PTK2: variants seen among roughly 807,000 people sequenced by gnomAD.
The protein encoded by PTK2 is protein tyrosine kinase 2.
A neutral mutation model predicts 150.1 loss-of-function variants in PTK2; 45 were observed. That is an observed-to-expected ratio of 0.30 (90% confidence interval 0.24 to 0.38). The LOEUF is 0.38. PTK2 is among the 10% of genes least tolerant of loss of function. The probability of loss-of-function intolerance (pLI) is 1.00; values close to 1 mark genes in which losing one functional copy is unlikely to be tolerated. For synonymous variants in PTK2, 432 were observed against 449.2 expected (o/e 0.96, Z 0.48); for missense variants, 919 against 1,307.3 (o/e 0.70, Z 4.58).
At chr8:140,804,958 C>T (rs931928150) in intron 10 of PTK2, among the ~76,000 whole-genome samples, 2 of 152,212 alleles carry the variant, frequency 1.3e-5, no homozygotes, top group Non-Finnish European at 2.9e-5. Flanking sequence ...CCTCACTGGT[C>T]TCTCTTTCCC....
At chr8:140,966,204 T>TA (rs1291830399) in intron 1 of PTK2, among the ~76,000 whole-genome samples, 2 of 152,194 alleles carry the variant, frequency 1.3e-5, no homozygotes, top group Non-Finnish European at 2.9e-5. Flanking sequence ...TACCCAACAG[T>TA]ATGCACCATT....
chr8:140,774,081 C>T (rs1215407751), intron 14 of PTK2, among the ~76,000 whole-genome samples: 1 of 152,198 alleles, frequency 6.6e-6, no homozygotes, highest in East Asian at 1.9e-4. Context: ...GCAATCCTAC[C>T]TATTCCCTTT....
At chr8:140,993,025 T>C (rs1221927414) in intron 1 of PTK2, among the ~76,000 whole-genome samples, 1 of 152,230 alleles carries the variant, frequency 6.6e-6, no homozygotes, top group African/African-American at 2.4e-5. Flanking sequence ...TCATTTTGTG[T>C]CACCTCAAAC....
At chr8:140,881,783 CAT>C (rs765518832) in intron 3 of PTK2, among the ~76,000 whole-genome samples, 4 of 152,232 alleles carry the variant, frequency 2.6e-5, no homozygotes, top group Non-Finnish European at 5.9e-5. Context: ...TCACAGCACA[CAT>C]ATAGGAGACC....
chr8:140,912,939 CTG>C (rs1045576737), intron 2 of PTK2, among the ~76,000 whole-genome samples: 6 of 151,910 alleles, frequency 3.9e-5, no homozygotes, highest in Admixed American at 1.3e-4. Flanking sequence ...GAGCAAGACT[CTG>C]TCTCAAAAAA....
chr8:140,884,401 G>A (rs760230393), intron 3 of PTK2, among the ~76,000 whole-genome samples: 9 of 152,046 alleles, frequency 5.9e-5, no homozygotes, highest in Non-Finnish European at 1.2e-4. Context: ...AATTTTCTAA[G>A]ACCTCCATAG....
exon 29 of PTK2, chr8:140,674,314 T>A (rs1257077488): frequency 6.2e-7 from 1 of 1,606,396 alleles, no homozygotes; most frequent in Non-Finnish European, 8.5e-7. Context: ...ACCCTCGTTG[T>A]AGCTGTCAGC....
intron 2 of PTK2, among the ~76,000 whole-genome samples, chr8:140,908,802 T>C (rs577306247): frequency 6.6e-6 from 1 of 152,334 alleles, no homozygotes; most frequent in South Asian, 2.1e-4. Flanking sequence ...CTTCAGTCTC[T>C]TGCCAGGATT....
intron 15 of PTK2, among the ~76,000 whole-genome samples, chr8:140,762,026 CTTGGTATTTTGATTTATT>C (rs1008183696): frequency 1.3e-5 from 2 of 152,068 alleles, no homozygotes; most frequent in Non-Finnish European, 2.9e-5. Flanking sequence ...CCATTTACTA[CTTGGTATTTTGATTTATT>C]TCAGGTAAGA....
intron 23 of PTK2, among the ~76,000 whole-genome samples, chr8:140,714,549 C>T (rs989340273): frequency 6.6e-6 from 1 of 150,780 alleles, no homozygotes; most frequent in Non-Finnish European, 1.5e-5. Context: ...GAAACCCCAG[C>T]ACTTTGGGAG....
intron 1 of PTK2, among the ~76,000 whole-genome samples, chr8:140,980,579 G>A (rs1229800781): frequency 1.3e-5 from 2 of 151,996 alleles, no homozygotes; most frequent in Non-Finnish European, 2.9e-5. Context: ...CTGAGGTCAC[G>A]CCACTGCACT....
At chr8:140,734,213 ACC>A (rs1287486385) in intron 22 of PTK2, among the ~76,000 whole-genome samples, 2 of 152,198 alleles carry the variant, frequency 1.3e-5, no homozygotes, top group Non-Finnish European at 2.9e-5. Flanking sequence ...TGAAAAACAA[ACC>A]CATAAAAACT....
At chr8:140,796,122 T>G (rs1043001793) in intron 12 of PTK2, among the ~76,000 whole-genome samples, 1 of 152,220 alleles carries the variant, frequency 6.6e-6, no homozygotes, top group African/African-American at 2.4e-5. Context: ...CTCGGGAGAC[T>G]GTCCGACCAC....
intron 18 of PTK2, among the ~76,000 whole-genome samples, chr8:140,745,383 C>A (rs1303392462): frequency 6.6e-6 from 1 of 152,186 alleles, no homozygotes; most frequent in East Asian, 1.9e-4. Flanking sequence ...ACAATTAATA[C>A]CCTAATTCTA....
At chr8:140,675,274 T>C (rs1390201406) in intron 28 of PTK2, among the ~76,000 whole-genome samples, 186 bp downstream of exon 31, 1 of 151,842 alleles carries the variant, frequency 6.6e-6, no homozygotes, top group Non-Finnish European at 1.5e-5. Flanking sequence ...TGATGCATTA[T>C]ACCAACAAAT....
Position 140,774,931 on chromosome 8 carries a change from C to T in PTK2, c.1178-10641G>A, listed in dbSNP as rs139553186. Among the ~76,000 whole-genome samples, 137 of 152,272 alleles carry T rather than the reference C, an allele frequency of 9.0e-4. 2 individuals are homozygous for T. The East Asian group carries it at 0.023, about 25-fold the overall frequency. On this transcript the variant is annotated intron_variant, in intron 14 of 31. Coordinates refer to ENST00000522684, the Ensembl canonical transcript of PTK2. ...GTTCTGGGAATTGCCCACCTCTTTCCCAGAAAACTCACTAATAATCCACCC... is the reference window on the plus strand; with the variant it reads ...GTTCTGGGAATTGCCCACCTCTTTCTCAGAAAACTCACTAATAATCCACCC...
intron 7 of PTK2, among the ~76,000 whole-genome samples, chr8:140,845,910 T>G (rs961897082): frequency 1.3e-5 from 2 of 152,206 alleles, no homozygotes; most frequent in Admixed American, 6.5e-5. Context: ...TCTCTATTTG[T>G]GCAAAACAAT....
At chr8:140,905,986 C>A (rs1017512644) in intron 2 of PTK2, among the ~76,000 whole-genome samples, 1 of 151,644 alleles carries the variant, frequency 6.6e-6, no homozygotes, top group South Asian at 2.1e-4. Flanking sequence ...GAAGACACAA[C>A]ATGCCAGATC....
chr8:140,868,998 GA>G (rs2100140987), intron 4 of PTK2, among the ~76,000 whole-genome samples: 1 of 152,162 alleles, frequency 6.6e-6, no homozygotes, highest in Non-Finnish European at 1.5e-5. Flanking sequence ...GAAACTGGCT[GA>G]AGGGTACACA....
Sources: gnomAD v4.1 joint callset for allele counts (sites outside exome capture counted in the v4.1 genomes callset) on GRCh38, gnomAD v4.1.1 for gene constraint, MANE v1.5 for transcripts, NCBI Gene and HGNC (gene_info 2026-07-23, HGNC 2026-07-21) for gene names.